GTF3C1: variants seen among roughly 807,000 people sequenced by gnomAD.
GTF3C1 encodes general transcription factor 3C polypeptide 1.
Under a neutral mutation model 226.7 loss-of-function variants are expected in GTF3C1, and 57 were observed. The ratio of observed to expected loss-of-function variants is 0.25; its 90% CI spans 0.20 to 0.31. GTF3C1 has a LOEUF of 0.31. Ranked by LOEUF, GTF3C1 falls within the 10% of genes least tolerant of loss-of-function variation. The pLI is 1.00. For missense variants in GTF3C1, 2,217 were observed against 2,776.1 expected (o/e 0.80, Z 4.53); for synonymous variants, 1,090 against 1,084.8 (o/e 1.00, Z -0.09).
chr16:27,498,187 T>A (rs1429850652), intron 13 of GTF3C1, among the ~76,000 whole-genome samples: 1 of 152,246 alleles, frequency 6.6e-6, no homozygotes, highest in Non-Finnish European at 1.5e-5. Context: ...CCACAAACTA[T>A]CATGTGCAAG....
At chr16:27,468,360 T>C (rs2087814701) in intron 32 of GTF3C1, among the ~76,000 whole-genome samples, 1 of 152,254 alleles carries the variant, frequency 6.6e-6, no homozygotes, top group East Asian at 1.9e-4. Context: ...AGCTCATGCC[T>C]GTTGTCCCAG....
At chr16:27,511,698 G>C (rs566423696) in intron 7 of GTF3C1, 51 bp downstream of exon 7, 1 of 1,594,766 alleles carries the variant, frequency 6.3e-7, no homozygotes, top group East Asian at 2.2e-5. Flanking sequence ...AGCGCTTCTT[G>C]ACTCAAATTC....
At chr16:27,522,879 T>C (rs2088771103) in intron 6 of GTF3C1, among the ~76,000 whole-genome samples, 2 of 152,382 alleles carry the variant, frequency 1.3e-5, no homozygotes, top group Admixed American at 1.3e-4. Flanking sequence ...TTTCAGATTG[T>C]GCACGGTGGG....
At chr16:27,536,537 G>C (rs756897394) in intron 4 of GTF3C1, among the ~76,000 whole-genome samples, 1 of 152,206 alleles carries the variant, frequency 6.6e-6, no homozygotes, top group African/African-American at 2.4e-5. Context: ...GCGGACATTT[G>C]ACAGAGGTGC....
At chr16:27,476,381 C>T in intron 29 of GTF3C1, 70 bp downstream of exon 29, 2 of 951,430 alleles carry the variant, frequency 2.1e-6, no homozygotes, top group Non-Finnish European at 3.4e-6. Context: ...AGGGCAGGGG[C>T]CAGCACCTCA....
intron 2 of GTF3C1, 145 bp downstream of exon 2, chr16:27,545,169 G>A (rs530382780): frequency 3.9e-5 from 26 of 668,660 alleles, no homozygotes; most frequent in East Asian, 3.3e-4. Flanking sequence ...TAGAAACAGC[G>A]TTTTGCCATG....
At chr16:27,511,644 T>C (rs1290247217) in intron 7 of GTF3C1, 105 bp downstream of exon 7, 3 of 1,221,244 alleles carry the variant, frequency 2.5e-6, no homozygotes, top group Admixed American at 2.1e-5. Context: ...CTTCCCATTG[T>C]ATTACATTCT....
In GTF3C1 at chr16:27,469,265, C is replaced by T. The variant is rs2087828720; in HGVS notation, c.5074+26G>A. ...CTGGATGATGGCGAGGCCAGGCCCT[C>T]CCACAGCACCAGCAGGAGCACTCAC... On this transcript the variant is annotated intron_variant, in intron 32 of 36. Transcript: ENST00000356183. This position sits in a 1 kb window ranked among gnomAD's most constrained non-coding sequence, Gnocchi z 4.5. 2.0e-6 allele frequency: 3 copies of T among 1,537,378 alleles called. No individual in the cohort carries two copies. Among genetic ancestry groups the T allele is most frequent in the Non-Finnish European group, 2.6e-6 (3 of 1,137,072 alleles).
At position 27,507,498 on chromosome 16, in the gene GTF3C1, C is replaced by T. The variant is rs1333475333; in HGVS notation, c.1243-342G>A. Among the ~76,000 whole-genome samples the T allele has an allele frequency of 6.6e-6, 1 of 152,204 alleles. No homozygotes were observed. Among genetic ancestry groups the T allele is most frequent in the Non-Finnish European group, 1.5e-5 (1 of 68,040 alleles). The stretch of plus-strand genomic sequence containing the variant: ...CCCACACAAAATGGACAGTACGCAG[C>T]AAGCATTTGTGATGCAGACTGAAAA... On this transcript the variant is annotated intron_variant, in intron 8 of 36. Transcript: ENST00000356183. The surrounding 1 kb of genome is among the most constrained non-coding windows in gnomAD (Gnocchi z 4.9).
chr16:27,471,613 C>A lies in GTF3C1; in HGVS notation c.4526+135G>T. Reference sequence around the variant, plus strand: ...GTAAGGGGCTGCAGGAAACCCAAGCCGGCATCTTGCACATGAGGCTGCGAA... The same window carrying A: ...GTAAGGGGCTGCAGGAAACCCAAGCAGGCATCTTGCACATGAGGCTGCGAA... On this transcript the variant is annotated intron_variant, in intron 30 of 36. Transcript: ENST00000356183. This position sits in a 1 kb window ranked among gnomAD's most constrained non-coding sequence, Gnocchi z 5.0. 1.4e-6 allele frequency: 1 copy of A among 692,770 alleles called. No homozygotes were observed. Among genetic ancestry groups the A allele is most frequent in the South Asian group, 1.8e-5 (1 of 55,836 alleles). The allele number at this position is 692,770 out of a possible 1,614,324, so 42.9% of individuals were successfully genotyped here. A position where few individuals can be genotyped will look rare whatever the true frequency, so the allele number is the denominator to read the frequency against.
intron 6 of GTF3C1, among the ~76,000 whole-genome samples, chr16:27,518,192 C>T (rs1374523549): frequency 6.6e-6 from 1 of 151,954 alleles, no homozygotes; most frequent in Admixed American, 6.6e-5. Context: ...GCCCAAGACA[C>T]ACACACACAC....
chr16:27,468,407 C>T (rs968782854), intron 32 of GTF3C1, among the ~76,000 whole-genome samples: 3 of 152,156 alleles, frequency 2.0e-5, no homozygotes, highest in Non-Finnish European at 4.4e-5. Flanking sequence ...TCCCTTGAGG[C>T]CTGAGACCAG....
At chr16:27,489,506 G>T in intron 20 of GTF3C1, 96 bp downstream of exon 20, 2 of 975,954 alleles carry the variant, frequency 2.0e-6, no homozygotes, top group Non-Finnish European at 3.1e-6. Context: ...AGGCCGTCTG[G>T]CCTGACATCC....
intron 6 of GTF3C1, among the ~76,000 whole-genome samples, chr16:27,518,912 G>A (rs1191201702): frequency 1.3e-5 from 2 of 152,180 alleles, no homozygotes; most frequent in African/African-American, 4.8e-5. Flanking sequence ...TGCATTCAAG[G>A]GCCCTAGCGT....
At chr16:27,488,457 TGCAAAGGCCAGGAAG>T in intron 22 of GTF3C1, 42 bp from the exon 23 acceptor site, 1 of 1,570,474 alleles carries the variant, frequency 6.4e-7, no homozygotes, top group Non-Finnish European at 8.8e-7. Flanking sequence ...GGACGAGTGC[TGCAAAGGCCAGGAAG>T]ACCAAACCGA....
At chr16:27,468,841 A>G (rs1247596767) in intron 32 of GTF3C1, among the ~76,000 whole-genome samples, 2 of 152,258 alleles carry the variant, frequency 1.3e-5, no homozygotes, top group Admixed American at 6.5e-5. Context: ...CATGAATGTG[A>G]GCGGAATACT....
intron 9 of GTF3C1, 75 bp from the exon 10 acceptor site, chr16:27,506,191 AC>A: frequency 1.3e-6 from 1 of 789,294 alleles, no homozygotes; most frequent in Non-Finnish European, 2.1e-6. Context: ...ATCAGACCAG[AC>A]CCACACAGGC....
rs1219126637 is a variant in GTF3C1 at position 27,471,228 on chromosome 16, C to T, written c.4526+520G>A. On this transcript the variant is annotated intron_variant, in intron 30 of 36. Transcript: ENST00000356183. The surrounding 1 kb of genome is among the most constrained non-coding windows in gnomAD (Gnocchi z 5.0). ...TAGGAATGTTCTCAGGGACTCTCTG[C>T]GTGTGGTCAGGAGGCTGGTGGTGCA... Among the ~76,000 whole-genome samples the T allele has an allele frequency of 6.6e-6, 1 of 152,200 alleles. No individual in the cohort carries two copies. The highest frequency in any genetic ancestry group is 1.5e-5 in the Non-Finnish European group (1 of 68,036).
chr16:27,497,247 A>G (rs1313550386), intron 14 of GTF3C1, among the ~76,000 whole-genome samples: 1 of 152,220 alleles, frequency 6.6e-6, no homozygotes, highest in Non-Finnish European at 1.5e-5. Context: ...AAATTATAGG[A>G]GCACTCAGAC....
Sources: gnomAD v4.1 joint callset for allele counts (sites outside exome capture counted in the v4.1 genomes callset) on GRCh38, gnomAD v4.1.1 for gene constraint, Gnocchi (gnomAD v3.1) non-coding constraint, MANE v1.5 for transcripts, NCBI Gene and HGNC (gene_info 2026-07-23, HGNC 2026-07-21) for gene names.